Variants in EML6 observed in about 807,000 individuals in gnomAD.
EML6 encodes EMAP like 6.
EML6 carries 154 observed loss-of-function variants against 240.1 expected under a neutral mutation model. That is an observed-to-expected ratio of 0.64 (90% CI 0.56 to 0.73). The LOEUF (loss-of-function observed/expected upper bound fraction) is 0.73, where lower values mean the gene tolerates loss of function less well. Ranked by LOEUF, EML6 falls within the 30% of genes least tolerant of loss-of-function variation. The probability of loss-of-function intolerance (pLI) is 0.00; values close to 1 mark genes in which losing one functional copy is unlikely to be tolerated. For missense variants in EML6, 2,964 were observed against 2,474.6 expected (o/e 1.20, Z -4.20); for synonymous variants, 1,148 against 899.0 (o/e 1.28, Z -4.95).
chr2:54,935,277 G>T (rs893459606), intron 28 of EML6, among the ~76,000 whole-genome samples: 1 of 152,032 alleles, frequency 6.6e-6, no homozygotes, highest in Non-Finnish European at 1.5e-5. Flanking sequence ...ATGGCGTCTG[G>T]GCTCTATGAG....
chr2:54,926,626 G>C (rs1674561243), intron 26 of EML6, among the ~76,000 whole-genome samples: 1 of 152,226 alleles, frequency 6.6e-6, no homozygotes, highest in Non-Finnish European at 1.5e-5. Context: ...TGAGACAGCA[G>C]CTGGTTTCGC....
chr2:54,954,984 G>A (rs76007511), intron 32 of EML6, among the ~76,000 whole-genome samples: 1,914 of 152,322 alleles, frequency 0.013, 37 homozygotes, highest in African/African-American at 0.044. Context: ...GGGGTGGTGC[G>A]TGGAGGTTGT....
At chr2:54,860,540 C>T (rs1285111503) in intron 12 of EML6, among the ~76,000 whole-genome samples, 2 of 152,154 alleles carry the variant, frequency 1.3e-5, no homozygotes, top group African/African-American at 4.8e-5. Context: ...GACCTCTGAG[C>T]CTCCTCCCAT....
intron 22 of EML6, among the ~76,000 whole-genome samples, chr2:54,901,372 C>T (rs1372647021): frequency 2.0e-5 from 3 of 152,144 alleles, no homozygotes; most frequent in East Asian, 3.8e-4. Flanking sequence ...AGTCCAAAGC[C>T]CATGCTCGTA....
intron 32 of EML6, 75 bp from the exon 33 acceptor site, chr2:54,957,715 C>A (rs1456157283): frequency 5.9e-6 from 8 of 1,356,838 alleles, no homozygotes; most frequent in East Asian, 2.5e-5. Flanking sequence ...GGGGTGGAGA[C>A]CTCCTGGGCT....
chr2:54,909,908 C>T (rs148485223), intron 24 of EML6, among the ~76,000 whole-genome samples: 59 of 150,466 alleles, frequency 3.9e-4, no homozygotes, highest in African/African-American at 1.4e-3. Flanking sequence ...AAGGTGGTGC[C>T]TATTTAAATG....
At chr2:54,938,825 G>A (rs1020334285) in intron 28 of EML6, among the ~76,000 whole-genome samples, 2 of 152,140 alleles carry the variant, frequency 1.3e-5, no homozygotes, top group Admixed American at 1.3e-4. Context: ...ATTGGCACTG[G>A]GGAAAATTGC....
chr2:54,766,913 C>T (rs944143402), intron 2 of EML6, among the ~76,000 whole-genome samples: 4 of 151,984 alleles, frequency 2.6e-5, no homozygotes, highest in African/African-American at 7.3e-5. Context: ...ATTTATTTCT[C>T]ACAAATAAGT....
At chr2:54,880,868 T>G (rs1234859511) in intron 17 of EML6, 1 of 152,204 alleles carries the variant, frequency 6.6e-6, no homozygotes, top group Non-Finnish European at 1.5e-5. Context: ...GCAACAGAAA[T>G]GCAATTTTCC....
chr2:54,846,607 C>T (rs1275144428), intron 8 of EML6, among the ~76,000 whole-genome samples: 1 of 151,814 alleles, frequency 6.6e-6, no homozygotes, highest in Non-Finnish European at 1.5e-5. Context: ...CCTCAGCCTC[C>T]CAAGTAGCTG....
chr2:54,788,244 C>G (rs1669196070), intron 2 of EML6, among the ~76,000 whole-genome samples: 1 of 152,240 alleles, frequency 6.6e-6, no homozygotes, highest in Non-Finnish European at 1.5e-5. Context: ...TCCTGTTGGC[C>G]TGCAAGGCGG....
intron 9 of EML6, among the ~76,000 whole-genome samples, chr2:54,848,501 A>G (rs1669891132): frequency 1.8e-5 from 2 of 108,684 alleles, no homozygotes; most frequent in South Asian, 6.5e-4. Flanking sequence ...TTCTTTTTCG[A>G]TGGACTTCTC....
At chr2:54,805,487 A>C (rs549055561) in intron 2 of EML6, among the ~76,000 whole-genome samples, 17 of 152,242 alleles carry the variant, frequency 1.1e-4, no homozygotes, top group African/African-American at 3.8e-4. Context: ...TTTTAATTTT[A>C]GTTGTCCTTA....
chr2:54,730,054 T>C (rs1683086041), intron 2 of EML6, among the ~76,000 whole-genome samples: 1 of 152,128 alleles, frequency 6.6e-6, no homozygotes, highest in African/African-American at 2.4e-5. Context: ...GAGAATCTCT[T>C]TGGCCCAGGA....
chr2:54,968,624 G>C (rs1558736719), intron 40 of EML6, 44 bp from the exon 41 acceptor site: 2 of 1,166,936 alleles, frequency 1.7e-6, no homozygotes, highest in African/African-American at 1.5e-5. Flanking sequence ...GTTGCTGAGA[G>C]GAGCCAGGGT....
At chr2:54,751,619 C>CT (rs1383300717) in intron 2 of EML6, among the ~76,000 whole-genome samples, 2 of 152,126 alleles carry the variant, frequency 1.3e-5, no homozygotes, top group African/African-American at 4.8e-5. Flanking sequence ...CCTTATCAAA[C>CT]TTTAGACAGA....
In EML6 at chr2:54,959,171, G is replaced by T; in HGVS notation, c.4763G>T (p.Arg1588Leu). 3 of 1,551,634 alleles carry T rather than the reference G, an allele frequency of 1.9e-6. No individual in the cohort carries two copies. The highest frequency in any genetic ancestry group is 2.6e-6 in the Non-Finnish European group (3 of 1,146,982). The change falls in exon 34 of 42, where the codon CGG becomes CTG. Residue 1588 changes from arginine to leucine, a missense_variant. Transcript: ENST00000356458. The stretch of plus-strand genomic sequence containing the variant: ...GTCTGGAAGGACCACTTCCTCATCC[G>T]GCTGGTGGCCAAGGCTCACACAGGC... ...VYVWKDHFLIRLVAKAHTGPV... is the reference protein window; with the variant it reads ...VYVWKDHFLILLVAKAHTGPV...
intron 26 of EML6, among the ~76,000 whole-genome samples, chr2:54,923,101 C>G (rs1228918154): frequency 6.6e-6 from 1 of 151,836 alleles, no homozygotes; most frequent in Non-Finnish European, 1.5e-5. Flanking sequence ...GGCACTATGC[C>G]TGGCTAATTT....
At chr2:54,937,640 G>A (rs570894094) in intron 28 of EML6, among the ~76,000 whole-genome samples, 11 of 146,778 alleles carry the variant, frequency 7.5e-5, no homozygotes, top group African/African-American at 2.8e-4. Context: ...ACTTAGTGTA[G>A]TTTACTTTAT....
Sources: allele counts gnomAD v4.1 joint callset (sites outside exome capture counted in the v4.1 genomes callset), GRCh38; gene constraint gnomAD v4.1.1; transcripts MANE v1.5; gene names NCBI Gene and HGNC (gene_info 2026-07-23, HGNC 2026-07-21).